KLHL33: variants seen among roughly 807,000 people sequenced by gnomAD.
KLHL33 encodes kelch like family member 33.
KLHL33 carries 46 observed loss-of-function variants against 60.8 expected under a neutral mutation model. The observed-to-expected ratio is 0.76, with a 90% CI of 0.60 to 0.97. The LOEUF is 0.97. Ranked by LOEUF, KLHL33 falls within the 50% of genes least tolerant of loss-of-function variation. The pLI, the probability that KLHL33 is intolerant of heterozygous loss-of-function variation, is 0.00. For missense variants in KLHL33, 1,055 were observed against 1,000.0 expected (o/e 1.05, Z -0.74); for synonymous variants, 434 against 432.2 (o/e 1.00, Z -0.05).
intron 4 of KLHL33, 38 bp downstream of exon 4, chr14:20,429,464 T>G: frequency 6.5e-7 from 1 of 1,550,266 alleles, no homozygotes; most frequent in Middle Eastern, 1.7e-4. Context: ...CTATTCCAAG[T>G]CTCCTAATCT....
chr14:20,435,078 C>A lies in KLHL33; in HGVS notation c.734G>T (p.Gly245Val). 1 of 1,234,526 alleles carries A rather than the reference C, an allele frequency of 8.1e-7. No homozygotes were observed. The highest frequency in any genetic ancestry group is 1.0e-6 in the Non-Finnish European group (1 of 988,252). 76.5% of individuals were successfully genotyped at this position (1,234,526 alleles called of 1,614,324 possible). A position where few individuals can be genotyped will look rare whatever the true frequency, so the allele number is the denominator to read the frequency against. ...CAGGCCCTCACCCGACAGCTGGCAGCCGCCTGCCTCCAGCTTCAAGTCACA... is the reference window on the plus strand; with the variant it reads ...CAGGCCCTCACCCGACAGCTGGCAGACGCCTGCCTCCAGCTTCAAGTCACA... ...VGCDLKLEAG[G>V]CQLSVHRAAL... Residue 245 changes from glycine (G) to valine (V), a missense_variant, in exon 2 of 5, where the codon GGC becomes GTC. Transcript: ENST00000636854.
chr14:20,431,764 G>T (rs112129338), intron 2 of KLHL33, among the ~76,000 whole-genome samples: 2,444 of 152,258 alleles, frequency 0.016, 58 homozygotes, highest in African/African-American at 0.052. Flanking sequence ...ACTGAGTTGG[G>T]TCCCAAAGAA....
Position 20,428,766 on chromosome 14 carries a change from C to A in KLHL33, c.*83G>T. Reference sequence around the variant, plus strand: ...GAATAAAATACTACCAAGAATAAAGCCTCTTTTCACTCCCCACAATCTCTG... The same window carrying A: ...GAATAAAATACTACCAAGAATAAAGACTCTTTTCACTCCCCACAATCTCTG... On this transcript the variant is annotated 3_prime_UTR_variant, in exon 5 of 5. Coordinates refer to ENST00000636854, the MANE Select transcript of KLHL33 (RefSeq NM_001365790.2). 1 of 1,190,930 alleles carries A rather than the reference C, an allele frequency of 8.4e-7. No individual in the cohort carries two copies. The highest frequency in any genetic ancestry group is 1.2e-6 in the Non-Finnish European group (1 of 850,370). The allele number at this position is 1,190,930 out of a possible 1,614,324, so 73.8% of individuals were successfully genotyped here. A position where few individuals can be genotyped will look rare whatever the true frequency, so the allele number is the denominator to read the frequency against.
In KLHL33 at chr14:20,430,030, C is replaced by G. The variant is rs758097911; in HGVS notation, c.1438G>C (p.Gly480Arg). The change falls in exon 3 of 5, where the codon GGG becomes CGG. Residue 480 changes from glycine (G) to arginine (R), a missense_variant. Transcript: ENST00000636854. ...EPDRALVVIG[G>R]DGLRPDMALR... The stretch of plus-strand genomic sequence containing the variant: ...GCCATGTCTGGTCTGAGCCCATCCC[C>G]GCCAATCACTACCAGTGCCCGGTCA... The G allele has an allele frequency of 1.9e-6, 3 of 1,551,636 alleles. No homozygotes were observed. Among genetic ancestry groups the G allele is most frequent in the Admixed American group, 3.9e-5 (2 of 50,984 alleles).
At position 20,429,138 on chromosome 14, in the gene KLHL33, T is replaced by C. The variant is rs966421468; in HGVS notation, c.2105A>G (p.Tyr702Cys). 1.9e-6 allele frequency: 3 copies of C among 1,551,522 alleles called. No individual in the cohort carries two copies. Among genetic ancestry groups the C allele is most frequent in the African/African-American group, 2.7e-5 (2 of 73,024 alleles). Residue 702 changes from tyrosine to cysteine, a missense_variant, in exon 5 of 5, where the codon TAT becomes TGT. Physicochemically the swap from Tyr to Cys is radical, Grantham distance 194 (BLOSUM62 -2). Coordinates refer to ENST00000636854, the MANE Select transcript of KLHL33 (RefSeq NM_001365790.2). Reference sequence around the variant, plus strand: ...AGTCCAGCTATCAGTCCTTAGTTCATAGGCCTCAAAGCTTAGCAGGTCCTC... The same window carrying C: ...AGTCCAGCTATCAGTCCTTAGTTCACAGGCCTCAAAGCTTAGCAGGTCCTC... The part of the protein sequence containing the change: ...ETEDLLSFEA[Y>C]ELRTDSWTHL...
chr14:20,432,633 A>T (rs1269736684), intron 2 of KLHL33, among the ~76,000 whole-genome samples: 2 of 152,074 alleles, frequency 1.3e-5, no homozygotes, highest in Non-Finnish European at 2.9e-5. Context: ...GATATTAAAA[A>T]ATTACTGGCC....
chr14:20,434,951 G>T, intron 2 of KLHL33, 113 bp downstream of exon 2: 2 of 975,238 alleles, frequency 2.1e-6, no homozygotes, highest in South Asian at 5.4e-5. Context: ...GGGAAATTCT[G>T]ACAGCAGCAG....
intron 2 of KLHL33, among the ~76,000 whole-genome samples, chr14:20,432,466 TAA>T (rs35468039): frequency 1.5e-4 from 19 of 128,928 alleles, no homozygotes; most frequent in South Asian, 2.4e-4. Context: ...TATAAAGTAA[TAA>T]AAAAAAAAAA....
At position 20,428,967 on chromosome 14, in the gene KLHL33, A is replaced by C. The variant is rs1325722003; in HGVS notation, c.2276T>G (p.Leu759Arg). ...HAYCPGLGRW[L>R]CLGTLPRPRA... ...AGGCCTTGGCAGAGTTCCCAGGCAG[A>C]GCCATCGGCCCAGGCCAGGACAGTA... The change falls in exon 5 of 5, where the codon CTC becomes CGC. Residue 759 changes from leucine to arginine, a missense_variant. Coordinates refer to ENST00000636854, the MANE Select transcript of KLHL33 (RefSeq NM_001365790.2). 6.4e-7 allele frequency: 1 copy of C among 1,551,690 alleles called. No individual in the cohort carries two copies. Among genetic ancestry groups the C allele is most frequent in the Non-Finnish European group, 8.7e-7 (1 of 1,146,976 alleles).
rs1271135348 is a variant in KLHL33 at position 20,435,221 on chromosome 14, G to T, written c.591C>A (p.Ala197=). The T allele has an allele frequency of 3.2e-6, 4 of 1,234,376 alleles. No homozygotes were observed. The highest frequency in any genetic ancestry group is 4.0e-6 in the Non-Finnish European group (4 of 988,194). 76.5% of individuals were successfully genotyped at this position (1,234,376 alleles called of 1,614,324 possible). ...ALGAPRVKAA[A]QQTCERAGNA... is the part of the protein sequence containing the mutation. ...TTCCAGCCCTCTCGCATGTCTGCTG[G>T]GCAGCAGCCTTCACCCGGGGCGCTC... The change falls in exon 2 of 5, where the codon GCC becomes GCA. Residue 197 remains alanine (A), a synonymous_variant. Coordinates refer to ENST00000636854, the MANE Select transcript of KLHL33 (RefSeq NM_001365790.2).
chr14:20,428,097 A>G lies in KLHL33; in HGVS notation c.*752T>C, dbSNP rs72672714. The G allele has an allele frequency of 0.22, 33,800 of 152,266 alleles. 3,980 individuals carry two copies. The highest frequency in any genetic ancestry group is 0.27 in the Middle Eastern group (80 of 296). The allele number at this position is 152,266 out of a possible 1,614,324, so 9.4% of individuals were successfully genotyped here. On this transcript the variant is annotated 3_prime_UTR_variant, in exon 5 of 5. Transcript: ENST00000636854. ...TCCACCCCATCTCCTTAAACCTCAG[A>G]TCATCTGTTTTTCCACTGTGGGCCT... is the stretch of plus-strand genomic sequence containing the variant.
intron 2 of KLHL33, among the ~76,000 whole-genome samples, chr14:20,433,426 T>C (rs1880585346): frequency 6.6e-6 from 1 of 152,242 alleles, no homozygotes; most frequent in African/African-American, 2.4e-5. Flanking sequence ...CTTTCCACTG[T>C]CTTTTAAGCA....
chr14:20,429,909 A>G lies in KLHL33; in HGVS notation c.1559T>C (p.Leu520Pro), dbSNP rs1020484730. The change falls in exon 3 of 5, where the codon CTG becomes CCG. Residue 520 changes from leucine (L) to proline (P), a missense_variant. By Grantham distance (98) the Leu-to-Pro change is moderately conservative. Coordinates refer to ENST00000636854, the MANE Select transcript of KLHL33 (RefSeq NM_001365790.2). ...RTVEWGQLPA[L>P]PAPGRFRHGA... ...ATGCCGGAAGCGTCCGGGGGCAGGC[A>G]GGGCAGGCAGCTGCCCCCACTCAAC... 4 of 1,551,688 alleles carry G rather than the reference A, an allele frequency of 2.6e-6. No homozygotes were observed. Among genetic ancestry groups the G allele is most frequent in the Non-Finnish European group, 3.5e-6 (4 of 1,147,036 alleles).
rs1046039622 is a variant in KLHL33 at position 20,435,381 on chromosome 14, C to T, written c.431G>A (p.Gly144Asp). The change falls in exon 2 of 5, where the codon GGC becomes GAC. Residue 144 changes from glycine to aspartate, a missense_variant. Transcript: ENST00000636854. Reference protein sequence around the residue: ...ISSLFRDRLLGGGGPRPPFSL... With the variant: ...ISSLFRDRLLDGGGPRPPFSL... ...GAAGGGGGGCCGCGGACCTCCGCCG[C>T]CCAGCAGCCTGTCTCGGAAGAGGCT... The T allele has an allele frequency of 3.2e-6, 4 of 1,234,354 alleles. No homozygotes were observed. The Middle Eastern group carries it at 6.2e-4, about 191-fold the overall frequency. The allele number at this position is 1,234,354 out of a possible 1,614,324, so 76.5% of individuals were successfully genotyped here.
At chr14:20,434,361 C>G (rs1173591974) in intron 2 of KLHL33, among the ~76,000 whole-genome samples, 1 of 152,000 alleles carries the variant, frequency 6.6e-6, no homozygotes, top group Non-Finnish European at 1.5e-5. Flanking sequence ...CCTGGTGAAA[C>G]CCCATCTCTA....
At chr14:20,429,722 G>T in intron 3 of KLHL33, 53 bp from the exon 4 acceptor site, 1 of 1,534,200 alleles carries the variant, frequency 6.5e-7, no homozygotes, top group Non-Finnish European at 8.8e-7. Context: ...ATCCGTGGTT[G>T]GCTAGGCCAG....
chr14:20,432,927 AAAG>A (rs1880556850), intron 2 of KLHL33, among the ~76,000 whole-genome samples: 2 of 20,534 alleles, frequency 9.7e-5, no homozygotes, highest in African/African-American at 3.9e-4. Context: ...ATCTCAAAAA[AAAG>A]AAAGAAAGAA....
At position 20,435,388 on chromosome 14, in the gene KLHL33, GC is replaced by G; in HGVS notation, c.423del (p.Arg141SerfsTer25). 8.1e-7 allele frequency: 1 copy of G among 1,234,324 alleles called. No homozygotes were observed. The highest frequency in any genetic ancestry group is 4.1e-5 in the South Asian group (1 of 24,416). The allele number at this position is 1,234,324 out of a possible 1,614,324, so 76.5% of individuals were successfully genotyped here. On this transcript the variant is annotated frameshift_variant, in exon 2 of 5. Coordinates refer to ENST00000636854, the MANE Select transcript of KLHL33 (RefSeq NM_001365790.2). LOFTEE classifies it high-confidence loss of function. ...LAAISSLFRD[R>X]LLGGGGPRPP... The stretch of plus-strand genomic sequence containing the variant: ...GGCCGCGGACCTCCGCCGCCCAGCA[GC>G]CTGTCTCGGAAGAGGCTGCTGATTG...
At position 20,427,188 on chromosome 14, in the gene KLHL33, A is replaced by G. The variant is rs910910725; in HGVS notation, c.*1661T>C. The G allele has an allele frequency of 1.3e-5, 2 of 149,192 alleles. No individual in the cohort carries two copies. Among genetic ancestry groups the G allele is most frequent in the African/African-American group, 5.0e-5 (2 of 39,768 alleles). The allele number at this position is 149,192 out of a possible 1,614,324, so 9.2% of individuals were successfully genotyped here. A position where few individuals can be genotyped will look rare whatever the true frequency, so the allele number is the denominator to read the frequency against. ...CCCTAAAACTTAAAGTATAATAATA[A>G]TAAAATAAAATAAATTAAAAAAAAA... On this transcript the variant is annotated 3_prime_UTR_variant, in exon 5 of 5. Coordinates refer to ENST00000636854, the MANE Select transcript of KLHL33 (RefSeq NM_001365790.2).
Sources: allele counts gnomAD v4.1 joint callset (sites outside exome capture counted in the v4.1 genomes callset), GRCh38; gene constraint gnomAD v4.1.1; transcripts MANE v1.5; gene names NCBI Gene and HGNC (gene_info 2026-07-23, HGNC 2026-07-21).